ALMS1: variants seen among roughly 807,000 people sequenced by gnomAD.
ALMS1 encodes centrosome-associated protein ALMS1.
In ALMS1, 271 loss-of-function variants were observed where a neutral mutation model predicts 352.2. The ratio of observed to expected loss-of-function variants is 0.77; its 90% CI spans 0.70 to 0.85. ALMS1 has a LOEUF of 0.85. ALMS1 is among the 40% of genes least tolerant of loss of function. The pLI is 0.00. For synonymous variants in ALMS1, 1,865 were observed against 1,761.2 expected (o/e 1.06, Z -1.48); for missense variants, 5,445 against 4,870.7 (o/e 1.12, Z -3.51).
intron 8 of ALMS1, chr2:73,454,381 C>G (rs1298117269): frequency 1.0e-6 from 1 of 984,744 alleles, no homozygotes; most frequent in Non-Finnish European, 1.2e-6. Context: ...GTAAAGAGGT[C>G]GCTTGGGCTC....
chr2:73,551,423 A>ACCTT (rs1558691064), intron 13 of ALMS1, among the ~76,000 whole-genome samples: 1 of 112,436 alleles, frequency 8.9e-6, no homozygotes, highest in African/African-American at 3.5e-5. Flanking sequence ...TTGAGTTTCA[A>ACCTT]TCTTTTTTTT....
In ALMS1 at chr2:73,452,639, A is replaced by G. The variant is rs369011755; in HGVS notation, c.6112A>G (p.Thr2038Ala). The change falls in exon 8 of 23, where the codon ACT (threonine) becomes GCT (alanine). Residue 2038 changes from threonine to alanine, a missense_variant. Thr to Ala is a moderately conservative substitution (Grantham distance 58). Coordinates refer to ENST00000613296, the MANE Select transcript of ALMS1 (RefSeq NM_001378454.1). The stretch of plus-strand genomic sequence containing the variant: ...TGTGATTGGACCAAATGACCAGAAG[A>G]CTCCATCCCAGACAGCTTTTCATAG... ...STVIGPNDQK[T>A]PSQTAFHSSY... 6.2e-7 allele frequency: 1 copy of G among 1,613,972 alleles called. No homozygotes were observed. The highest frequency in any genetic ancestry group is 1.1e-5 in the South Asian group (1 of 91,084).
In ALMS1 at chr2:73,449,943, T is replaced by C; in HGVS notation, c.3416T>C (p.Val1139Ala). 2 of 1,613,872 alleles carry C rather than the reference T, an allele frequency of 1.2e-6. No homozygotes were observed. Among genetic ancestry groups the C allele is most frequent in the Non-Finnish European group, 8.5e-7 (1 of 1,179,922 alleles). The change falls in exon 8 of 23, where the codon GTA (valine) becomes GCA (alanine). Residue 1139 changes from valine (V) to alanine (A), a missense_variant. By Grantham distance (64) the Val-to-Ala change is moderately conservative (BLOSUM62 0). Transcript: ENST00000613296. ...LADQKTGTPT[V>A]TSTSYSQHRE... ...GACCAGAAGACTGGCACACCAACTG[T>C]AACCTCAACTTCCTACTCACAACAT...
chr2:73,602,222 G>C lies in ALMS1; in HGVS notation c.12152G>C (p.Arg4051Pro). Reference sequence around the variant, plus strand: ...TTTCACAGACCTGACTTCATCTCCCGCTCTGGGGAGCGGATAAAGCGCCTG... The same window carrying C: ...TTTCACAGACCTGACTTCATCTCCCCCTCTGGGGAGCGGATAAAGCGCCTG... ...LQFHRPDFIS[R>P]SGERIKRLKL... is the part of the protein sequence containing the mutation. Residue 4051 changes from arginine to proline, a missense_variant, in exon 20 of 23, where the codon CGC becomes CCC. Coordinates refer to ENST00000613296, the MANE Select transcript of ALMS1 (RefSeq NM_001378454.1). The C allele has an allele frequency of 1.2e-6, 2 of 1,613,666 alleles. 1 individual carries two copies. Among genetic ancestry groups the C allele is most frequent in the Non-Finnish European group, 1.7e-6 (2 of 1,179,962 alleles).
At chr2:73,396,239 C>A (rs1670757077) in intron 1 of ALMS1, among the ~76,000 whole-genome samples, 1 of 151,376 alleles carries the variant, frequency 6.6e-6, no homozygotes, top group Admixed American at 6.6e-5. Flanking sequence ...ATTAAACCAG[C>A]CTTGTGAAAA....
At chr2:73,463,920 C>T (rs2103821479) in intron 9 of ALMS1, among the ~76,000 whole-genome samples, 1 of 152,200 alleles carries the variant, frequency 6.6e-6, no homozygotes, top group South Asian at 2.1e-4. Flanking sequence ...TCTGAATAGA[C>T]CAATAACAGG....
chr2:73,392,222 C>G (rs1302480564), intron 1 of ALMS1, among the ~76,000 whole-genome samples: 1 of 150,366 alleles, frequency 6.7e-6, no homozygotes, highest in Non-Finnish European at 1.5e-5. Context: ...ATAATAAGTT[C>G]AGTTTTCATC....
intron 11 of ALMS1, among the ~76,000 whole-genome samples, chr2:73,523,994 T>C (rs892273339): frequency 2.0e-5 from 3 of 152,154 alleles, no homozygotes; most frequent in Non-Finnish European, 2.9e-5. Context: ...GGTAGCTACA[T>C]TGAAAATTCA....
intron 16 of ALMS1, among the ~76,000 whole-genome samples, chr2:73,587,714 T>A (rs936467521): frequency 2.0e-5 from 3 of 152,194 alleles, no homozygotes; most frequent in African/African-American, 7.2e-5. Flanking sequence ...TCTGTGTTCA[T>A]CAGGGATATT....
chr2:73,608,164 C>G (rs1675854721), intron 21 of ALMS1, among the ~76,000 whole-genome samples: 1 of 152,160 alleles, frequency 6.6e-6, no homozygotes. Context: ...TCCATTTTTG[C>G]ATGTAGAGCA....
At chr2:73,406,436 GTTTT>G (rs555343293) in intron 1 of ALMS1, among the ~76,000 whole-genome samples, 1 of 122,052 alleles carries the variant, frequency 8.2e-6, no homozygotes, top group Non-Finnish European at 1.8e-5. Context: ...AATCCTATGG[GTTTT>G]TTTTTTTTTT....
intron 12 of ALMS1, among the ~76,000 whole-genome samples, chr2:73,545,725 C>G (rs183189584): frequency 6.6e-6 from 1 of 152,234 alleles, no homozygotes; most frequent in Non-Finnish European, 1.5e-5. Context: ...TTGATATTGT[C>G]TCATGCATGT....
chr2:73,419,073 A>G (rs755223175), intron 2 of ALMS1, 50 bp from the exon 3 acceptor site: 3 of 1,445,520 alleles, frequency 2.1e-6, no homozygotes, highest in Non-Finnish European at 9.7e-7. Context: ...ATTAATATGT[A>G]TGGTAACTCA....
chr2:73,496,986 C>T (rs114702404), intron 10 of ALMS1, among the ~76,000 whole-genome samples: 4,944 of 152,168 alleles, frequency 0.032, 214 homozygotes, highest in Admixed American at 0.092. Context: ...GCAAATATCT[C>T]TTCACAGTAT....
At chr2:73,416,413 C>T (rs1671181784) in intron 2 of ALMS1, among the ~76,000 whole-genome samples, 1 of 152,066 alleles carries the variant, frequency 6.6e-6, no homozygotes, top group Non-Finnish European at 1.5e-5. Flanking sequence ...TAGAATATTT[C>T]TCTCCACATT....
In ALMS1 at chr2:73,419,140, T is replaced by C; in HGVS notation, c.468T>C (p.His156=). Residue 156 remains histidine (H), a synonymous_variant, in exon 3 of 23, where the codon CAT becomes CAC. Transcript: ENST00000613296. ...SGDDQKTESW[H]CLPQEMDSSQ... ...TTTTCTAGAAAACAGAATCTTGGCA[T>C]TGTCTTCCTCAAGAAATGGACTCTT... 6.2e-7 allele frequency: 1 copy of C among 1,613,952 alleles called. No homozygotes were observed. Among genetic ancestry groups the C allele is most frequent in the African/African-American group, 1.3e-5 (1 of 75,058 alleles).
chr2:73,606,875 C>T (rs549805096), intron 21 of ALMS1, among the ~76,000 whole-genome samples: 5 of 152,172 alleles, frequency 3.3e-5, no homozygotes, highest in East Asian at 3.9e-4. Context: ...TAAAGGTTCC[C>T]GTGAGAAGGA....
chr2:73,397,716 C>T (rs11679809), intron 1 of ALMS1, among the ~76,000 whole-genome samples: 44,174 of 152,020 alleles, frequency 0.29, 7,724 homozygotes, highest in African/African-American at 0.5. Context: ...GATCCACCTG[C>T]CTCGGCCTCC....
intron 4 of ALMS1, among the ~76,000 whole-genome samples, chr2:73,424,005 T>A (rs1017537097): frequency 6.6e-6 from 1 of 152,172 alleles, no homozygotes; most frequent in Non-Finnish European, 1.5e-5. Flanking sequence ...CTTGAACTCC[T>A]GGCTTTAGGT....
Sources: gnomAD v4.1 joint callset for allele counts (sites outside exome capture counted in the v4.1 genomes callset) on GRCh38, gnomAD v4.1.1 for gene constraint, MANE v1.5 for transcripts, NCBI Gene and HGNC (gene_info 2026-07-23, HGNC 2026-07-21) for gene names.